SPATA1: variants seen among roughly 807,000 people sequenced by gnomAD.
The protein encoded by SPATA1 is spermatogenesis associated 1.
Under a neutral mutation model 59.6 loss-of-function variants are expected in SPATA1, and 57 were observed. The ratio of observed to expected loss-of-function variants is 0.96; its 90% confidence interval spans 0.77 to 1.19. The LOEUF (loss-of-function observed/expected upper bound fraction) is 1.19, where lower values mean the gene tolerates loss of function less well. SPATA1 is among the 50% of genes most tolerant of loss of function. SPATA1 has a pLI of 0.00. For synonymous variants in SPATA1, 147 were observed against 163.9 expected, an observed-to-expected ratio of 0.90 and a Z score of 0.79; for missense variants, 448 against 480.7, an observed-to-expected ratio of 0.93 and a Z score of 0.64.
chr1:84,533,796 G>A (rs1034523452), intron 8 of SPATA1, 30 bp downstream of exon 8: 6 of 1,330,162 alleles, frequency 4.5e-6, no homozygotes, highest in Admixed American at 2.2e-5. Flanking sequence ...GTTTAAACAT[G>A]GTATTGCAAC....
At chr1:84,544,074 A>C in intron 8 of SPATA1, 128 bp from the exon 9 acceptor site, 3 of 637,572 alleles carry the variant, frequency 4.7e-6, no homozygotes, top group Non-Finnish European at 8.3e-6. Context: ...ATAAATACAA[A>C]ATTTGGAGTT....
chr1:84,531,407 C>A (rs1290414773), intron 6 of SPATA1, among the ~76,000 whole-genome samples: 1 of 151,982 alleles, frequency 6.6e-6, no homozygotes, highest in African/African-American at 2.4e-5. Context: ...AAGTGATCCA[C>A]CCGCCTCGGC....
intron 4 of SPATA1, 48 bp downstream of exon 4, chr1:84,522,555 T>A: frequency 1.1e-6 from 1 of 938,854 alleles, no homozygotes; most frequent in Non-Finnish European, 1.6e-6. Context: ...CCATACCTTC[T>A]CAAATTACAT....
chr1:84,521,404 T>A (rs987487308), intron 3 of SPATA1, among the ~76,000 whole-genome samples: 1 of 152,172 alleles, frequency 6.6e-6, no homozygotes, highest in Admixed American at 6.5e-5. Context: ...CTCTTTCTAA[T>A]CTTCATCATC....
At chr1:84,565,547 A>G (rs147622451) in intron 4 of SPATA1, among the ~76,000 whole-genome samples, 179 of 152,340 alleles carry the variant, frequency 1.2e-3, no homozygotes, top group African/African-American at 4.1e-3. Context: ...TACCTGATTA[A>G]GCCCCAACTA....
intron 1 of SPATA1, among the ~76,000 whole-genome samples, chr1:84,513,840 C>CTT (rs1300819142): frequency 8.4e-6 from 1 of 119,538 alleles, no homozygotes; most frequent in African/African-American, 4.2e-5. Flanking sequence ...TTTCTATATT[C>CTT]TATTTTTTTT....
intron 6 of SPATA1, among the ~76,000 whole-genome samples, chr1:84,531,678 A>C (rs1268703745): frequency 1.3e-5 from 2 of 150,266 alleles, no homozygotes; most frequent in East Asian, 3.9e-4. Flanking sequence ...GGATCAAGAC[A>C]TCCTCCCACC....
At chr1:84,563,510 C>T in intron 4 of SPATA1, 2 of 954,168 alleles carry the variant, frequency 2.1e-6, no homozygotes, top group East Asian at 3.2e-5. Flanking sequence ...AGAAATAAAA[C>T]ATATACCATA....
intron 4 of SPATA1, among the ~76,000 whole-genome samples, chr1:84,560,609 T>C (rs1332717492): frequency 6.6e-6 from 1 of 152,224 alleles, no homozygotes; most frequent in Non-Finnish European, 1.5e-5. Context: ...TGGAAGAAGA[T>C]GATGCCATTT....
chr1:84,544,262 C>T lies in SPATA1; in HGVS notation c.778C>T (p.Leu260Phe), dbSNP rs1423218231. 1.9e-6 allele frequency: 3 copies of T among 1,594,534 alleles called. No homozygotes were observed. The South Asian group carries it at 3.4e-5, about 18-fold the overall frequency. The change falls in exon 9 of 13, where the codon CTT becomes TTT. Residue 260 changes from leucine to phenylalanine, a missense_variant. Physicochemically the swap from Leu to Phe is conservative, Grantham distance 22. Coordinates refer to ENST00000490879, the Ensembl canonical transcript of SPATA1. ...CCCTTCACTTCCTTGTCAACCTGTT[C>T]TTTCTTCAGGAATAACTGATATATC...
intron 4 of SPATA1, among the ~76,000 whole-genome samples, chr1:84,522,742 A>G (rs185900300): frequency 4.7e-4 from 72 of 152,326 alleles, no homozygotes; most frequent in Non-Finnish European, 3.1e-4. Context: ...GCAAAGAAAT[A>G]CCAATTTAAA....
intron 4 of SPATA1, among the ~76,000 whole-genome samples, chr1:84,564,739 A>G (rs776043984): frequency 4.6e-5 from 7 of 152,090 alleles, no homozygotes; most frequent in Non-Finnish European, 7.4e-5. Context: ...AGAATAAGTT[A>G]TTTTTCAACT....
At chr1:84,551,984 G>A (rs1341185963) in intron 12 of SPATA1, 1 of 151,886 alleles carries the variant, frequency 6.6e-6, no homozygotes, top group Non-Finnish European at 1.5e-5. Context: ...ACTCAAATTA[G>A]AATTGTTCAT....
At chr1:84,525,713 A>G in exon 5 of SPATA1, 1 of 1,592,836 alleles carries the variant, frequency 6.3e-7, no homozygotes, top group Non-Finnish European at 8.5e-7. Context: ...AAAAGCAAGA[A>G]TCAGAACTGA....
chr1:84,565,284 G>A (rs1684669642), intron 4 of SPATA1, among the ~76,000 whole-genome samples: 1 of 151,766 alleles, frequency 6.6e-6, no homozygotes, highest in Non-Finnish European at 1.5e-5. Context: ...TCCAAACTTT[G>A]AAGAGGATAA....
intron 9 of SPATA1, 80 bp from the exon 10 acceptor site, chr1:84,545,554 A>G: frequency 2.1e-6 from 3 of 1,395,578 alleles, no homozygotes; most frequent in Non-Finnish European, 2.8e-6. Context: ...GACATTTTTA[A>G]GTTTTACACT....
intron 1 of SPATA1, among the ~76,000 whole-genome samples, chr1:84,513,876 CTG>C (rs1335039480): frequency 7.4e-6 from 1 of 135,894 alleles, no homozygotes; most frequent in Admixed American, 7.9e-5. Flanking sequence ...GAGTCTCACT[CTG>C]TCACCCAGGC....
At chr1:84,533,591 CTT>C (rs1472006584) in intron 7 of SPATA1, 116 bp from the exon 8 acceptor site, 8 of 791,046 alleles carry the variant, frequency 1.0e-5, no homozygotes, top group African/African-American at 3.5e-5. Flanking sequence ...CTCAGGCTGA[CTT>C]TGAAAATTTT....
chr1:84,521,145 AAG>A (rs1215948598), intron 3 of SPATA1, among the ~76,000 whole-genome samples: 3 of 149,054 alleles, frequency 2.0e-5, no homozygotes, highest in African/African-American at 4.9e-5. Flanking sequence ...GGGAAAAAGA[AAG>A]AGGGAGAGAG....
Sources: allele counts gnomAD v4.1 joint callset (sites outside exome capture counted in the v4.1 genomes callset), GRCh38; gene constraint gnomAD v4.1.1; transcripts MANE v1.5; gene names NCBI Gene and HGNC (gene_info 2026-07-23, HGNC 2026-07-21).